CEP112: variants seen among roughly 807,000 people sequenced by gnomAD.
The protein encoded by CEP112 is centrosomal protein 112.
Under a neutral mutation model 153.0 loss-of-function variants are expected in CEP112, and 127 were observed. The observed-to-expected ratio is 0.83, with a 90% CI of 0.72 to 0.96. CEP112 has a LOEUF of 0.96. CEP112 is among the 40% of genes least tolerant of loss of function. The probability of loss-of-function intolerance (pLI) is 0.00; values close to 1 mark genes in which losing one functional copy is unlikely to be tolerated. For synonymous variants in CEP112, 358 were observed against 374.4 expected, an observed-to-expected ratio of 0.96 and a Z score of 0.51; for missense variants, 1,089 against 1,101.2, an observed-to-expected ratio of 0.99 and a Z score of 0.16.
chr17:66,094,256 C>T (rs998676721), intron 8 of CEP112, among the ~76,000 whole-genome samples: 1 of 152,022 alleles, frequency 6.6e-6, no homozygotes, highest in African/African-American at 2.4e-5. Context: ...GATGGGGTTT[C>T]ACCATGTTGG....
intron 6 of CEP112, among the ~76,000 whole-genome samples, chr17:66,107,157 G>A (rs1382782200): frequency 2.0e-5 from 3 of 152,016 alleles, no homozygotes; most frequent in African/African-American, 7.2e-5. Context: ...TACAACAAAA[G>A]TCATATACAA....
At chr17:65,978,010 G>A (rs903297111) in intron 17 of CEP112, among the ~76,000 whole-genome samples, 6 of 152,250 alleles carry the variant, frequency 3.9e-5, no homozygotes, top group African/African-American at 1.2e-4. Flanking sequence ...GGGAGGTGGA[G>A]TTTGTGGTGA....
intron 21 of CEP112, among the ~76,000 whole-genome samples, chr17:65,810,010 A>T (rs780041999): frequency 6.6e-6 from 1 of 152,230 alleles, no homozygotes; most frequent in Non-Finnish European, 1.5e-5. Context: ...ACTTCTGAGA[A>T]GTCAACTGTG....
chr17:65,742,134 T>C (rs1956367207), intron 23 of CEP112, among the ~76,000 whole-genome samples: 1 of 151,972 alleles, frequency 6.6e-6, no homozygotes, highest in Non-Finnish European at 1.5e-5. Context: ...AAAAAGCAAC[T>C]GACATTAACA....
intron 17 of CEP112, among the ~76,000 whole-genome samples, chr17:65,972,033 G>A (rs2062860260): frequency 6.6e-6 from 1 of 152,130 alleles, no homozygotes; most frequent in Admixed American, 6.5e-5. Flanking sequence ...AGGATTTGAA[G>A]AACACTATCA....
chr17:65,722,271 TAG>T (rs1014372618), intron 23 of CEP112, among the ~76,000 whole-genome samples: 4 of 151,690 alleles, frequency 2.6e-5, no homozygotes, highest in Non-Finnish European at 5.9e-5. Flanking sequence ...TTTTTTGAGA[TAG>T]AGTCTCCCTT....
intron 23 of CEP112, among the ~76,000 whole-genome samples, chr17:65,741,914 GA>G (rs888425725): frequency 9.3e-4 from 136 of 145,742 alleles, no homozygotes; most frequent in African/African-American, 2.7e-3. Flanking sequence ...ACCAGAATAT[GA>G]AAAAAAAATC....
At position 65,936,299 on chromosome 17, in the gene CEP112, TCAACAAA is replaced by T. The variant is rs748117314; in HGVS notation, c.1873-8617_1873-8611del. Among the ~76,000 whole-genome samples, 663 of 152,152 alleles carry T rather than the reference TCAACAAA, an allele frequency of 4.4e-3. 3 individuals are homozygous for T. Among genetic ancestry groups the T allele is most frequent in the Middle Eastern group, 0.02 (6 of 294 alleles). ...GGACATGATGAAAAAGAGAAGCTTC[TCAACAAA>T]GAGAAGCTTCAGCTCACTGCTGAAT... On this transcript the variant is annotated intron_variant, in intron 18 of 26. Transcript: ENST00000535342.
At chr17:66,147,540 T>C (rs2070973170) in intron 4 of CEP112, among the ~76,000 whole-genome samples, 1 of 152,150 alleles carries the variant, frequency 6.6e-6, no homozygotes, top group African/African-American at 2.4e-5. Context: ...TATCTTTTTT[T>C]TTATTTGTCT....
In CEP112 at chr17:65,938,052, T is replaced by C. The variant is rs538692177; in HGVS notation, c.1873-10363A>G. Among the ~76,000 whole-genome samples, 46 of 116,940 alleles carry C rather than the reference T, an allele frequency of 3.9e-4. 1 individual carries two copies. Among genetic ancestry groups the C allele is most frequent in the African/African-American group, 1.3e-3 (45 of 34,616 alleles). The allele number at this position is 116,940 out of a possible 152,430, so 76.7% of individuals were successfully genotyped here. ...GTAGAAAGAAGTAGACATGGGAGACTTTTCATTTTGTTCTGTACTAAGAAA... is the reference window on the plus strand; with the variant it reads ...GTAGAAAGAAGTAGACATGGGAGACCTTTCATTTTGTTCTGTACTAAGAAA... On this transcript the variant is annotated intron_variant, in intron 18 of 26. Coordinates refer to ENST00000535342, the MANE Select transcript of CEP112 (RefSeq NM_001199165.4).
chr17:65,740,992 T>G (rs965951831), intron 23 of CEP112, among the ~76,000 whole-genome samples: 2 of 152,114 alleles, frequency 1.3e-5, no homozygotes, highest in African/African-American at 4.8e-5. Context: ...TACACTGGGG[T>G]ATGGTATAAT....
At chr17:65,725,452 A>T (rs1454384446) in intron 23 of CEP112, among the ~76,000 whole-genome samples, 1 of 151,840 alleles carries the variant, frequency 6.6e-6, no homozygotes, top group African/African-American at 2.4e-5. Context: ...TGAGTAGCTG[A>T]GATTACAGGT....
chr17:66,154,557 C>T (rs1035871393), intron 4 of CEP112, among the ~76,000 whole-genome samples: 1 of 152,074 alleles, frequency 6.6e-6, no homozygotes, highest in Admixed American at 6.6e-5. Flanking sequence ...CTAGATCAAA[C>T]ACATATCCAT....
intron 20 of CEP112, among the ~76,000 whole-genome samples, chr17:65,865,447 C>T (rs2058452198): frequency 6.6e-6 from 1 of 152,184 alleles, no homozygotes; most frequent in African/African-American, 2.4e-5. Context: ...TTGAGGAGGG[C>T]AAGTTGCTAG....
rs1215698468 is a variant in CEP112, at chr17:65,821,496, TTATATATATATATATAATTATA to T, written c.2394+30286_2394+30307del. 1.1e-3 allele frequency among the ~76,000 whole-genome samples: 135 copies of T among 121,392 alleles called. 2 individuals are homozygous for T. Among genetic ancestry groups the T allele is most frequent in the Admixed American group, 6.4e-3 (70 of 10,938 alleles). The allele number at this position is 121,392 out of a possible 152,430, so 79.6% of individuals were successfully genotyped here. ...CAAATTATTAAACTTATATATATAA[TTATATATATATATATAATTATA>T]TATATATATATATATATATATATTT... On this transcript the variant is annotated intron_variant, in intron 21 of 26. Coordinates refer to ENST00000535342, the MANE Select transcript of CEP112 (RefSeq NM_001199165.4).
At position 66,113,798 on chromosome 17, in the gene CEP112, C is replaced by A. The variant is rs1205897031; in HGVS notation, c.642+15948G>T. On this transcript the variant is annotated intron_variant, in intron 6 of 26. Transcript: ENST00000535342. ...TTGTCTCATAACCAATTTTAATATG[C>A]AATGGGAATTATTCATGGTAAAGCA... Among the ~76,000 whole-genome samples the A allele has an allele frequency of 2.6e-5, 4 of 152,218 alleles. No individual in the cohort carries two copies. The South Asian group carries it at 6.2e-4, about 24-fold the overall frequency.
intron 21 of CEP112, among the ~76,000 whole-genome samples, chr17:65,824,496 T>C (rs999524510): frequency 2.6e-5 from 4 of 152,228 alleles, no homozygotes; most frequent in Non-Finnish European, 4.4e-5. Flanking sequence ...TTGTCAAAAC[T>C]TGCAGAACTG....
At chr17:66,133,087 C>CAA (rs202109985) in intron 4 of CEP112, among the ~76,000 whole-genome samples, 2 of 127,360 alleles carry the variant, frequency 1.6e-5, no homozygotes, top group East Asian at 4.5e-4. Flanking sequence ...TGTTCCACAT[C>CAA]AAAAAAAAAA....
chr17:65,761,245 T>A (rs1457807934), intron 21 of CEP112, among the ~76,000 whole-genome samples: 2 of 151,924 alleles, frequency 1.3e-5, no homozygotes, highest in Non-Finnish European at 2.9e-5. Context: ...GTTCATTGAT[T>A]TCTGCTCTAA....
Sources: gnomAD v4.1 joint callset for allele counts (sites outside exome capture counted in the v4.1 genomes callset) on GRCh38, gnomAD v4.1.1 for gene constraint, MANE v1.5 for transcripts, NCBI Gene and HGNC (gene_info 2026-07-23, HGNC 2026-07-21) for gene names.